The following PATJ variants were observed in gnomAD, a reference collection of about 807,000 sequenced individuals.
PATJ encodes PATJ crumbs cell polarity complex component, also known as inaD-like protein.
A neutral mutation model predicts 224.9 loss-of-function variants in PATJ; 190 were observed. The observed-to-expected ratio is 0.84, with a 90% CI of 0.75 to 0.95. The LOEUF is 0.95. PATJ is among the 40% of genes least tolerant of loss of function. The pLI, the probability that PATJ is intolerant of heterozygous loss-of-function variation, is 0.00. For synonymous variants in PATJ, 769 were observed against 820.3 expected, an observed-to-expected ratio of 0.94 and a Z score of 1.07; for missense variants, 2,121 against 2,270.3, an observed-to-expected ratio of 0.93 and a Z score of 1.34.
chr1:61,742,842 G>A (rs1424707478), intron 1 of PATJ, among the ~76,000 whole-genome samples: 2 of 150,930 alleles, frequency 1.3e-5, no homozygotes, highest in Non-Finnish European at 3.0e-5. Context: ...TGACCCCACG[G>A]TGGTCCCCGC....
chr1:61,808,548 C>A lies in PATJ; in HGVS notation c.1683+18C>A. 3 of 1,533,996 alleles carry A rather than the reference C, an allele frequency of 2.0e-6. No homozygotes were observed. Among genetic ancestry groups the A allele is most frequent in the Non-Finnish European group, 2.7e-6 (3 of 1,108,878 alleles). Reference sequence around the variant, plus strand: ...ATTCAAAGGTAAGCATTTTTTATAACAAAGTTAACAGTTTTATTTTTTTTA... The same window carrying A: ...ATTCAAAGGTAAGCATTTTTTATAAAAAAGTTAACAGTTTTATTTTTTTTA... On this transcript the variant is annotated intron_variant, in intron 14 of 43. Coordinates refer to ENST00000642238, the MANE Select transcript of PATJ (RefSeq NM_001350145.3).
chr1:61,827,890 A>G (rs556023471), intron 16 of PATJ, among the ~76,000 whole-genome samples: 3 of 152,302 alleles, frequency 2.0e-5, no homozygotes, highest in Admixed American at 6.5e-5. Context: ...TTTGTCTTAT[A>G]TAAGTTTAAG....
chr1:61,947,012 CA>C (rs1678831461), intron 27 of PATJ, among the ~76,000 whole-genome samples: 1 of 152,138 alleles, frequency 6.6e-6, no homozygotes, highest in Non-Finnish European at 1.5e-5. Flanking sequence ...TGACAAAATT[CA>C]ACAGCCCTTC....
At chr1:61,962,590 A>G (rs904677029) in intron 27 of PATJ, among the ~76,000 whole-genome samples, 6 of 152,246 alleles carry the variant, frequency 3.9e-5, no homozygotes, top group African/African-American at 1.2e-4. Flanking sequence ...GTAGAGGATT[A>G]ATCGGTGATC....
intron 29 of PATJ, among the ~76,000 whole-genome samples, chr1:62,034,493 C>T (rs1277165597): frequency 6.8e-6 from 1 of 146,920 alleles, no homozygotes; most frequent in African/African-American, 2.5e-5. Flanking sequence ...GATATCATTA[C>T]TTATGAGAAT....
intron 8 of PATJ, among the ~76,000 whole-genome samples, chr1:61,789,364 CAAAAG>C (rs1206808729): frequency 1.3e-5 from 2 of 151,088 alleles, no homozygotes; most frequent in Admixed American, 1.3e-4. Flanking sequence ...GAAACAAAAA[CAAAAG>C]GAAAGAGAAA....
intron 17 of PATJ, among the ~76,000 whole-genome samples, chr1:61,845,466 A>G (rs955281246): frequency 1.3e-5 from 2 of 152,154 alleles, no homozygotes; most frequent in African/African-American, 4.8e-5. Context: ...TTTTCTTCAG[A>G]TTATTCTTGA....
At chr1:62,028,698 G>A (rs867603381) in intron 29 of PATJ, among the ~76,000 whole-genome samples, 1 of 152,124 alleles carries the variant, frequency 6.6e-6, no homozygotes, top group Admixed American at 6.6e-5. Context: ...TGTGAGGATT[G>A]CTCTAGCCCA....
intron 31 of PATJ, among the ~76,000 whole-genome samples, chr1:62,051,657 T>C (rs553822139): frequency 1.3e-5 from 2 of 152,096 alleles, no homozygotes; most frequent in Admixed American, 6.6e-5. Flanking sequence ...TGGTTTAATA[T>C]TGGATTTTTA....
chr1:61,797,337 A>G lies in PATJ; in HGVS notation c.1311A>G (p.Val437=), dbSNP rs1230081890. The G allele has an allele frequency of 1.2e-6, 2 of 1,614,062 alleles. No individual in the cohort carries two copies. The highest frequency in any genetic ancestry group is 1.7e-6 in the Non-Finnish European group (2 of 1,179,914). ...QGFANHDVVE[V]LRNAGQVVHL... ...TTGCCAACCATGATGTTGTTGAAGT[A>G]TTACGAAATGCAGGGCAGGTGGTAC... is the stretch of plus-strand genomic sequence containing the variant. The change falls in exon 11 of 44, where the codon GTA becomes GTG. Residue 437 remains valine (V), a synonymous_variant. Transcript: ENST00000642238.
In PATJ at chr1:61,830,340, T is replaced by C. The variant is rs1053314247; in HGVS notation, c.1980+2757T>C. Among the ~76,000 whole-genome samples, 17 of 152,296 alleles carry C rather than the reference T, an allele frequency of 1.1e-4. 1 individual carries two copies. In the South Asian group the frequency reaches 1.9e-3, roughly 17 times the overall value. ...GATGTCTACAATGAGAATTATAAAA[T>C]ACTGCTGATAGAAATCAGAGATGAC... On this transcript the variant is annotated intron_variant, in intron 16 of 43. Transcript: ENST00000642238.
At chr1:61,840,108 C>G (rs1009260744) in intron 17 of PATJ, among the ~76,000 whole-genome samples, 2 of 151,598 alleles carry the variant, frequency 1.3e-5, no homozygotes, top group African/African-American at 2.4e-5. Flanking sequence ...GTTACTGAGT[C>G]TTGAATATAG....
chr1:62,145,283 C>T (rs1397372634), intron 41 of PATJ, among the ~76,000 whole-genome samples: 1 of 152,202 alleles, frequency 6.6e-6, no homozygotes, highest in Non-Finnish European at 1.5e-5. Flanking sequence ...AAACTTCCTG[C>T]CCTTACATTC....
At position 61,992,297 on chromosome 1, in the gene PATJ, T is replaced by C. The variant is rs533896928; in HGVS notation, c.3867+1933T>C. On this transcript the variant is annotated intron_variant, in intron 28 of 43. Transcript: ENST00000642238. ...CATGCCCAGCTAATATTTGTATTTTTAGTAGAGATGGGGTTTCTCCATGTT... is the reference window on the plus strand; with the variant it reads ...CATGCCCAGCTAATATTTGTATTTTCAGTAGAGATGGGGTTTCTCCATGTT... Among the ~76,000 whole-genome samples, 7 of 152,170 alleles carry C rather than the reference T, an allele frequency of 4.6e-5. No homozygotes were observed. The East Asian group carries it at 5.8e-4, about 13-fold the overall frequency.
chr1:62,032,229 T>C (rs1343376137), intron 29 of PATJ, among the ~76,000 whole-genome samples: 1 of 152,196 alleles, frequency 6.6e-6, no homozygotes, highest in Non-Finnish European at 1.5e-5. Context: ...GGGGCTGCTC[T>C]CAGCTCCTAG....
intron 33 of PATJ, among the ~76,000 whole-genome samples, chr1:62,099,260 A>G (rs1036400877): frequency 1.3e-5 from 2 of 151,772 alleles, no homozygotes; most frequent in Non-Finnish European, 2.9e-5. Flanking sequence ...TTTAAAAGCT[A>G]CATCCTTCCT....
intron 27 of PATJ, among the ~76,000 whole-genome samples, chr1:61,936,287 G>A (rs906611870): frequency 6.6e-6 from 1 of 150,658 alleles, no homozygotes; most frequent in Non-Finnish European, 1.5e-5. Flanking sequence ...CCATGGAGTG[G>A]AGTAGGAAAC....
chr1:61,924,698 T>A (rs60953856), intron 26 of PATJ, among the ~76,000 whole-genome samples: 1 of 152,168 alleles, frequency 6.6e-6, no homozygotes, highest in Non-Finnish European at 1.5e-5. Context: ...GAGAGATTTA[T>A]ATCTAATTTA....
chr1:62,126,693 G>A lies in PATJ; in HGVS notation c.5044-1279G>A, dbSNP rs117108788. On this transcript the variant is annotated intron_variant, in intron 39 of 43. Transcript: ENST00000642238. ...GTCCTCTCAGATCCTTTGTTTTAAC[G>A]CAGTCTTTTAAAGCCAAATGTGTTT... Among the ~76,000 whole-genome samples the A allele has an allele frequency of 3.9e-5, 6 of 152,262 alleles. No homozygotes were observed. The East Asian group carries it at 7.7e-4, about 20-fold the overall frequency.
Sources: gnomAD v4.1 joint callset for allele counts (sites outside exome capture counted in the v4.1 genomes callset) on GRCh38, gnomAD v4.1.1 for gene constraint, MANE v1.5 for transcripts, NCBI Gene and HGNC (gene_info 2026-07-23, HGNC 2026-07-21) for gene names.